Variants in ENO3 observed in about 807,000 individuals in gnomAD.
ENO3 encodes the protein enolase 3.
Under a neutral mutation model 47.7 loss-of-function variants are expected in ENO3, and 46 were observed. The observed-to-expected ratio is 0.96, with a 90% CI of 0.76 to 1.23. ENO3 has a LOEUF of 1.23. Among genes scored for constraint, ENO3 ranks in the 50% most tolerant of loss-of-function variants. The probability of loss-of-function intolerance (pLI) is 0.00; values close to 1 mark genes in which losing one functional copy is unlikely to be tolerated. For missense variants in ENO3, 575 were observed against 566.2 expected (o/e 1.02, Z -0.16); for synonymous variants, 223 against 225.9 (o/e 0.99, Z 0.11).
intron 5 of ENO3, 44 bp from the exon 6 acceptor site, chr17:4,953,668 C>A: frequency 1.2e-6 from 2 of 1,614,208 alleles, no homozygotes; most frequent in Non-Finnish European, 1.7e-6. Flanking sequence ...CACCCCAAAC[C>A]CTGCAGAAGC....
intron 9 of ENO3, 176 bp downstream of exon 9, chr17:4,956,319 T>C: frequency 1.2e-6 from 1 of 848,558 alleles, no homozygotes; most frequent in Non-Finnish European, 1.9e-6. Flanking sequence ...CCAAGAGCTT[T>C]GCCCCTGTGG....
chr17:4,952,427 TC>T, intron 2 of ENO3: 5 of 343,746 alleles, frequency 1.5e-5, no homozygotes, highest in Non-Finnish European at 2.8e-5. Flanking sequence ...CACTGCAAGC[TC>T]CGCCTCCCGG....
chr17:4,956,173 A>G (rs201477583), intron 9 of ENO3, 30 bp downstream of exon 9: 680 of 1,610,692 alleles, frequency 4.2e-4, no homozygotes, highest in Non-Finnish European at 5.6e-4. Context: ...GAGGCTCACC[A>G]TAGCCTGCCT....
chr17:4,956,831 A>G lies in ENO3; in HGVS notation c.1177A>G (p.Ile393Val), dbSNP rs766674076. ...DLVVGLCTGQIKTGAPCRSER... is the reference protein window; with the variant it reads ...DLVVGLCTGQVKTGAPCRSER... ...CTCCAAATTCTTCTTCCCTCATCAG[A>G]TCAAGACTGGCGCCCCCTGCCGCTC... Residue 393 changes from isoleucine to valine, a missense_variant and splice_region_variant, in exon 11 of 12, where the codon ATC becomes GTC. Transcript: ENST00000519602. The G allele has an allele frequency of 1.2e-6, 2 of 1,614,112 alleles. No individual in the cohort carries two copies. The highest frequency in any genetic ancestry group is 1.7e-6 in the Non-Finnish European group (2 of 1,180,038).
upstream of ENO3, chr17:4,950,081 A>G (rs1384176945): frequency 7.0e-6 from 1 of 141,934 alleles, no homozygotes; most frequent in Non-Finnish European, 1.6e-5. Flanking sequence ...GGCGGGGAGC[A>G]GGGGTGGGGA....
rs780704553 is a variant in ENO3 at position 4,955,942 on chromosome 17, T to C, written c.866T>C (p.Val289Ala). The C allele has an allele frequency of 3.7e-6, 6 of 1,613,370 alleles. No homozygotes were observed. Among genetic ancestry groups the C allele is most frequent in the Non-Finnish European group, 4.2e-6 (5 of 1,179,860 alleles). The part of the protein sequence containing the change: ...LYKSFIKNYP[V>A]VSIEDPFDQD... The stretch of plus-strand genomic sequence containing the variant: ...CTGTCTCTGCTCCAAACCCCACCAG[T>C]GGTCTCCATCGAAGACCCCTTTGAC... Residue 289 changes from valine (V) to alanine (A), a missense_variant and splice_region_variant, in exon 9 of 12, where the codon GTG becomes GCG. Val to Ala is a moderately conservative substitution (Grantham distance 64). Coordinates refer to ENST00000519602, the MANE Select transcript of ENO3 (RefSeq NM_053013.4).
In ENO3 at chr17:4,955,194, C is replaced by G. The variant is rs1597702599; in HGVS notation, c.564C>G (p.Val188=). Residue 188 remains valine, a synonymous_variant, in exon 7 of 12, where the codon GTC becomes GTG. Coordinates refer to ENST00000519602, the MANE Select transcript of ENO3 (RefSeq NM_053013.4). ...FKEAMRIGAE[V]YHHLKGVIKA... Reference sequence around the variant, plus strand: ...AAGCCATGCGCATTGGCGCCGAGGTCTACCACCACCTCAAGGGGGTCATCA... The same window carrying G: ...AAGCCATGCGCATTGGCGCCGAGGTGTACCACCACCTCAAGGGGGTCATCA... The G allele has an allele frequency of 1.9e-6, 3 of 1,614,228 alleles. No homozygotes were observed. Among genetic ancestry groups the G allele is most frequent in the Non-Finnish European group, 2.5e-6 (3 of 1,180,036 alleles).
intron 1 of ENO3, chr17:4,951,611 A>G: frequency 3.5e-6 from 2 of 563,560 alleles, no homozygotes; most frequent in Admixed American, 5.5e-5. Flanking sequence ...GCTATAGATA[A>G]GAGGCCCCTG....
At chr17:4,953,477 C>A in intron 5 of ENO3, 136 bp downstream of exon 5, 1 of 1,413,952 alleles carries the variant, frequency 7.1e-7, no homozygotes, top group Non-Finnish European at 9.9e-7. Flanking sequence ...TGTGTTCATT[C>A]CACAGGCATT....
chr17:4,952,271 G>A (rs2151139558), intron 2 of ENO3: 2 of 369,558 alleles, frequency 5.4e-6, no homozygotes, highest in South Asian at 4.3e-5. Context: ...CTGCCTCCCG[G>A]GTTTAAGTGA....
chr17:4,955,638 G>A (rs149830213), intron 8 of ENO3, 34 bp downstream of exon 8: 26 of 1,613,472 alleles, frequency 1.6e-5, no homozygotes, highest in South Asian at 2.2e-5. Context: ...GTTCCTGCCC[G>A]AATCCCGTGC....
At position 4,953,351 on chromosome 17, in the gene ENO3, G is replaced by A. The variant is rs749036548; in HGVS notation, c.310+10G>A. On this transcript the variant is annotated intron_variant, in intron 5 of 11. Coordinates refer to ENST00000519602, the MANE Select transcript of ENO3 (RefSeq NM_053013.4). ...GGGACCGAGAATAAGTGTGAGTGAA[G>A]GGCTAGCGGTGGGGAAGGGATGAGG... 1 of 1,614,250 alleles carries A rather than the reference G, an allele frequency of 6.2e-7. No individual in the cohort carries two copies. The highest frequency in any genetic ancestry group is 8.5e-7 in the Non-Finnish European group (1 of 1,180,038).
At chr17:4,955,326 C>T (rs749167229) in intron 7 of ENO3, 29 bp downstream of exon 7, 1 of 1,614,128 alleles carries the variant, frequency 6.2e-7, no homozygotes. Context: ...GGGGGGCAGA[C>T]CCCCTGGATC....
chr17:4,950,562 G>T, upstream of ENO3: 3 of 985,526 alleles, frequency 3.0e-6, no homozygotes, highest in Non-Finnish European at 3.6e-6. Context: ...AACTCATCCC[G>T]GCGCTGGCTG....
At chr17:4,954,062 C>A in intron 6 of ENO3, 2 of 697,452 alleles carry the variant, frequency 2.9e-6, no homozygotes, top group Non-Finnish European at 2.4e-6. Context: ...GCCATATAAC[C>A]CAGTTCCTTC....
Position 4,957,073 on chromosome 17 carries a change from T to C in ENO3, c.*26T>C. The C allele has an allele frequency of 6.2e-7, 1 of 1,613,524 alleles. No individual in the cohort carries two copies. The highest frequency in any genetic ancestry group is 8.5e-7 in the Non-Finnish European group (1 of 1,179,874). On this transcript the variant is annotated 3_prime_UTR_variant, in exon 12 of 12. Transcript: ENST00000519602. ...GAAGCTGGAGGCTCCAGGACTCCACTGGACAGACCCAGGTCTTCCAGACCT... is the reference window on the plus strand; with the variant it reads ...GAAGCTGGAGGCTCCAGGACTCCACCGGACAGACCCAGGTCTTCCAGACCT...
At position 4,956,996 on chromosome 17, in the gene ENO3, G is replaced by T; in HGVS notation, c.1254G>T (p.Gly418=). The T allele has an allele frequency of 6.2e-7, 1 of 1,614,184 alleles. No homozygotes were observed. Among genetic ancestry groups the T allele is most frequent in the East Asian group, 2.2e-5 (1 of 44,880 alleles). The change falls in exon 12 of 12, where the codon GGG becomes GGT. Residue 418 remains glycine, a synonymous_variant. Transcript: ENST00000519602. ...ATTCTAGGATCGAGGAGGCTCTTGG[G>T]GACAAGGCAATCTTTGCTGGACGCA... is the stretch of plus-strand genomic sequence containing the variant. The part of the protein sequence containing the change: ...NQLMRIEEAL[G]DKAIFAGRKF...
chr17:4,951,143 A>C lies in ENO3; in HGVS notation c.-42A>C. 1 of 988,752 alleles carries C rather than the reference A, an allele frequency of 1.0e-6. No individual in the cohort carries two copies. The highest frequency in any genetic ancestry group is 1.2e-6 in the Non-Finnish European group (1 of 832,078). The allele number at this position is 988,752 out of a possible 1,614,324, so 61.2% of individuals were successfully genotyped here. A position where few individuals can be genotyped will look rare whatever the true frequency, so the allele number is the denominator to read the frequency against. ...TGACACTGTCCCAGCTGCCACCTAGACTCGGAGCTCCATCCAAACCTCCAG... is the reference window on the plus strand; with the variant it reads ...TGACACTGTCCCAGCTGCCACCTAGCCTCGGAGCTCCATCCAAACCTCCAG... On this transcript the variant is annotated 5_prime_UTR_variant, in exon 1 of 12. Transcript: ENST00000519602.
chr17:4,956,687 T>G lies in ENO3; in HGVS notation c.1176+6T>G, dbSNP rs758682068. 1 of 1,614,190 alleles carries G rather than the reference T, an allele frequency of 6.2e-7. No individual in the cohort carries two copies. Among genetic ancestry groups the G allele is most frequent in the South Asian group, 1.1e-5 (1 of 91,080 alleles). ...TGGGGCTCTGCACAGGACAGGTACTTGTAGCTTCTCTCTACTGAGTGTCTC... is the reference window on the plus strand; with the variant it reads ...TGGGGCTCTGCACAGGACAGGTACTGGTAGCTTCTCTCTACTGAGTGTCTC... On this transcript the variant is annotated splice_donor_region_variant and intron_variant, in intron 10 of 11. Coordinates refer to ENST00000519602, the MANE Select transcript of ENO3 (RefSeq NM_053013.4).
Sources: allele counts gnomAD v4.1 joint callset, GRCh38; gene constraint gnomAD v4.1.1; transcripts MANE v1.5; gene names NCBI Gene and HGNC (gene_info 2026-07-23, HGNC 2026-07-21).